SRGAP3: variants seen among roughly 807,000 people sequenced by gnomAD.
SRGAP3 encodes the protein SLIT-ROBO Rho GTPase activating protein 3, also known as SLIT-ROBO Rho GTPase-activating protein 3.
Under a neutral mutation model 121.1 loss-of-function variants are expected in SRGAP3, and 39 were observed. The observed-to-expected ratio is 0.32, with a 90% CI of 0.25 to 0.42. SRGAP3 has a LOEUF of 0.42. SRGAP3 is among the 10% of genes least tolerant of loss of function. The pLI is 1.00. For missense variants in SRGAP3, 1,213 were observed against 1,470.6 expected (o/e 0.82, Z 2.86); for synonymous variants, 601 against 570.0 (o/e 1.05, Z -0.77).
At chr3:9,170,474 C>T (rs867848292) in intron 1 of SRGAP3, among the ~76,000 whole-genome samples, 66 of 152,148 alleles carry the variant, frequency 4.3e-4, no homozygotes, top group African/African-American at 1.6e-3. Flanking sequence ...GTGACTCACA[C>T]TCTCACACAA....
intron 1 of SRGAP3, among the ~76,000 whole-genome samples, chr3:9,352,243 C>T (rs1245855526): frequency 1.3e-5 from 2 of 151,682 alleles, no homozygotes; most frequent in Non-Finnish European, 2.9e-5. Flanking sequence ...ATAAAACTCT[C>T]CCCTTTTCCT....
At chr3:9,238,699 TC>T (rs1953509998) in intron 1 of SRGAP3, among the ~76,000 whole-genome samples, 1 of 152,100 alleles carries the variant, frequency 6.6e-6, no homozygotes, top group South Asian at 2.1e-4. Context: ...CCGGATCCCT[TC>T]CCCAGGCAGA....
intron 15 of SRGAP3, 106 bp downstream of exon 15, chr3:9,015,490 GC>G: frequency 6.9e-7 from 1 of 1,445,758 alleles, no homozygotes; most frequent in Non-Finnish European, 9.6e-7. Context: ...GTCACACTTC[GC>G]CTTTCATAAT....
At chr3:9,223,945 A>G (rs1352344349) in intron 1 of SRGAP3, among the ~76,000 whole-genome samples, 2 of 152,202 alleles carry the variant, frequency 1.3e-5, no homozygotes, top group Admixed American at 6.5e-5. Flanking sequence ...CGAAGTTTCA[A>G]TTAGCTCCCA....
At chr3:9,085,963 A>G (rs1440441372) in intron 3 of SRGAP3, among the ~76,000 whole-genome samples, 1 of 152,160 alleles carries the variant, frequency 6.6e-6, no homozygotes, top group East Asian at 1.9e-4. Context: ...GTACCTCTGA[A>G]CTGAAAATAA....
At chr3:9,184,762 G>T (rs1951543820) in intron 1 of SRGAP3, among the ~76,000 whole-genome samples, 1 of 152,044 alleles carries the variant, frequency 6.6e-6, no homozygotes, top group South Asian at 2.1e-4. Flanking sequence ...GAAGAGGGAG[G>T]TTATCCAGTC....
At chr3:9,252,666 G>A (rs1435146821), upstream of SRGAP3, among the ~76,000 whole-genome samples, 2 of 152,060 alleles carry the variant, frequency 1.3e-5, no homozygotes, top group Non-Finnish European at 2.9e-5. Flanking sequence ...GTGTGACCTG[G>A]GCAGGCCCCC....
At chr3:9,348,426 A>T in intron 1 of SRGAP3, 1 of 619,806 alleles carries the variant, frequency 1.6e-6, no homozygotes, top group Non-Finnish European at 3.0e-6. Context: ...TCAGCGTCGC[A>T]TCCCCAGCCC....
chr3:9,067,224 A>G (rs1946472321), intron 4 of SRGAP3, among the ~76,000 whole-genome samples: 1 of 149,606 alleles, frequency 6.7e-6, no homozygotes, highest in Non-Finnish European at 1.5e-5. Context: ...GGAAATGCTT[A>G]CAAGCTCTGG....
At chr3:9,259,213 C>CA (rs35179542) in intron 3 of SRGAP3, among the ~76,000 whole-genome samples, 90,413 of 151,816 alleles carry the variant, frequency 0.6, 27,754 homozygotes, top group Non-Finnish European at 0.65. Flanking sequence ...TTCCCTGTTT[C>CA]TTTTTTTTCA....
chr3:9,211,659 T>C (rs1952448950), intron 1 of SRGAP3, among the ~76,000 whole-genome samples: 1 of 144,216 alleles, frequency 6.9e-6, no homozygotes, highest in Admixed American at 7.1e-5. Context: ...GACCCATCTT[T>C]CTTTTCTTTT....
chr3:9,038,123 G>A (rs1182098363), intron 10 of SRGAP3, 33 bp from the exon 11 acceptor site: 3 of 1,613,588 alleles, frequency 1.9e-6, no homozygotes, highest in Non-Finnish European at 2.5e-6. Flanking sequence ...ATGTTTAATT[G>A]CCTTTTCTTT....
intron 5 of SRGAP3, among the ~76,000 whole-genome samples, chr3:9,062,150 G>A (rs1946205647): frequency 6.6e-6 from 1 of 152,124 alleles, no homozygotes; most frequent in South Asian, 2.1e-4. Context: ...ATGACCCTGA[G>A]ACCATTTTTT....
Position 8,982,211 on chromosome 3 carries a change from G to A in SRGAP3, c.*3308C>T, listed in dbSNP as rs141748352. 133 of 225,514 alleles carry A rather than the reference G, an allele frequency of 5.9e-4. No homozygotes were observed. Among genetic ancestry groups the A allele is most frequent in the African/African-American group, 2.8e-3 (126 of 44,982 alleles). 14.0% of individuals were successfully genotyped at this position (225,514 alleles called of 1,614,324 possible). On this transcript the variant is annotated 3_prime_UTR_variant, in exon 22 of 22. Coordinates refer to ENST00000383836, the MANE Select transcript of SRGAP3 (RefSeq NM_014850.4). ...TCATTCCTAGAATAGACTGAACGTC[G>A]GTTACACATAAAGACAAAAGGCTTG... is the stretch of plus-strand genomic sequence containing the variant.
chr3:9,014,779 G>C (rs1943549745), intron 15 of SRGAP3: 1 of 152,176 alleles, frequency 6.6e-6, no homozygotes, highest in Admixed American at 6.5e-5. Context: ...TTTCCTGGCT[G>C]CAAATATCTC....
intron 1 of SRGAP3, among the ~76,000 whole-genome samples, chr3:9,163,438 G>A (rs955799884): frequency 1.3e-4 from 20 of 152,310 alleles, no homozygotes; most frequent in Middle Eastern, 3.4e-3. Flanking sequence ...ACATTTGCTC[G>A]GCTTTTGGTA....
At chr3:9,327,032 G>A (rs1955532332) in intron 2 of SRGAP3, among the ~76,000 whole-genome samples, 1 of 151,596 alleles carries the variant, frequency 6.6e-6, no homozygotes, top group African/African-American at 2.4e-5. Flanking sequence ...TTTCATTATT[G>A]TTTAATATTA....
chr3:9,268,550 C>G (rs1342321217), intron 3 of SRGAP3, among the ~76,000 whole-genome samples: 1 of 152,064 alleles, frequency 6.6e-6, no homozygotes, highest in Non-Finnish European at 1.5e-5. Context: ...CAGCATCATT[C>G]TAGTTAAGCC....
Position 9,109,871 on chromosome 3 carries a change from G to A in SRGAP3, c.261-5029C>T, listed in dbSNP as rs1482301249. On this transcript the variant is annotated intron_variant, in intron 2 of 21. Coordinates refer to ENST00000383836, the MANE Select transcript of SRGAP3 (RefSeq NM_014850.4). The surrounding 1 kb of genome is among the most constrained non-coding windows in gnomAD (Gnocchi z 4.4). ...CCAGGGAGGAGCAGGAGAGGGAGGA[G>A]CAGGTAGGGAGGGGGCCCAAGCATG... Among the ~76,000 whole-genome samples, 1 of 152,140 alleles carries A rather than the reference G, an allele frequency of 6.6e-6. No individual in the cohort carries two copies. The highest frequency in any genetic ancestry group is 1.5e-5 in the Non-Finnish European group (1 of 68,026).
Sources: gnomAD v4.1 joint callset for allele counts (sites outside exome capture counted in the v4.1 genomes callset) on GRCh38, gnomAD v4.1.1 for gene constraint, Gnocchi (gnomAD v3.1) non-coding constraint, MANE v1.5 for transcripts, NCBI Gene and HGNC (gene_info 2026-07-23, HGNC 2026-07-21) for gene names.